The following AGBL1 variants were observed in gnomAD, a reference collection of about 807,000 sequenced individuals.
AGBL1 encodes AGBL carboxypeptidase 1.
In AGBL1, 130 loss-of-function variants were observed where a neutral mutation model predicts 118.9. That is an observed-to-expected ratio of 1.09 (90% CI 0.95 to 1.26). AGBL1 has a LOEUF of 1.26. Among genes scored for constraint, AGBL1 ranks in the 50% most tolerant of loss-of-function variants. The probability of loss-of-function intolerance (pLI) is 0.00; values close to 1 mark genes in which losing one functional copy is unlikely to be tolerated. For missense variants in AGBL1, 1,584 were observed against 1,298.1 expected (o/e 1.22, Z -3.38); for synonymous variants, 555 against 478.9 (o/e 1.16, Z -2.08).
chr15:86,623,493 A>C (rs2084842431), intron 21 of AGBL1, among the ~76,000 whole-genome samples: 1 of 152,158 alleles, frequency 6.6e-6, no homozygotes, highest in African/African-American at 2.4e-5. Flanking sequence ...TTCCAACTCT[A>C]GGTTCTCTCT....
At chr15:86,802,610 C>G (rs1191359617) in intron 22 of AGBL1, among the ~76,000 whole-genome samples, 6 of 152,122 alleles carry the variant, frequency 3.9e-5, no homozygotes, top group Non-Finnish European at 1.5e-5. Flanking sequence ...GATTCAGATT[C>G]TATATCTAAG....
chr15:87,010,289 G>C (rs72757498), intron 24 of AGBL1, among the ~76,000 whole-genome samples: 4 of 152,042 alleles, frequency 2.6e-5, no homozygotes, highest in Non-Finnish European at 4.4e-5. Flanking sequence ...TTCACCTGCC[G>C]CCCTCCATGT....
At chr15:86,884,255 A>C (rs538676916) in intron 22 of AGBL1, among the ~76,000 whole-genome samples, 1 of 152,122 alleles carries the variant, frequency 6.6e-6, no homozygotes, top group Non-Finnish European at 1.5e-5. Context: ...CTGAGTGACT[A>C]ATGGGCAGAA....
chr15:86,509,037 T>C (rs753917860), intron 18 of AGBL1, among the ~76,000 whole-genome samples: 1 of 152,158 alleles, frequency 6.6e-6, no homozygotes, highest in Non-Finnish European at 1.5e-5. Flanking sequence ...GTTCGTCATC[T>C]GATACTGAGA....
At chr15:86,144,997 C>T (rs1011426006) in intron 3 of AGBL1, among the ~76,000 whole-genome samples, 2 of 152,036 alleles carry the variant, frequency 1.3e-5, no homozygotes, top group African/African-American at 2.4e-5. Flanking sequence ...GGTTCCATGC[C>T]CCTCTCCTCT....
At chr15:87,012,091 T>C (rs1268981724) in intron 24 of AGBL1, among the ~76,000 whole-genome samples, 1 of 152,092 alleles carries the variant, frequency 6.6e-6, no homozygotes, top group Non-Finnish European at 1.5e-5. Flanking sequence ...TTTAGAAATA[T>C]AAATGCTGAG....
Position 86,106,575 on chromosome 15 carries a change from G to A in AGBL1, c.51+26552G>A, listed in dbSNP as rs141047484. On this transcript the variant is annotated intron_variant, in intron 1 of 22. Transcript: ENST00000614907. ...GGATGCTACTGACTAAACATCTTGC[G>A]ACACTTAGCGTCCTACTCTGCTGAT... Among the ~76,000 whole-genome samples the A allele has an allele frequency of 2.9e-3, 447 of 152,302 alleles. 15 individuals are homozygous for A. The South Asian group carries it at 0.067, about 23-fold the overall frequency.
Position 86,668,810 on chromosome 15 carries a change from C to T in AGBL1, c.2995-5463C>T, listed in dbSNP as rs114909079. Among the ~76,000 whole-genome samples, 768 of 152,216 alleles carry T rather than the reference C, an allele frequency of 5.0e-3. 4 individuals carry two copies. The highest frequency in any genetic ancestry group is 0.017 in the African/African-American group (716 of 41,528). The stretch of plus-strand genomic sequence containing the variant: ...ACTGTGGTCAATAAATTAGTAAGAC[C>T]GCAATCTGCAAAGGGACAATGTGGG... On this transcript the variant is annotated intron_variant, in intron 21 of 22. Transcript: ENST00000614907.
chr15:86,785,881 G>A (rs2141319170), intron 22 of AGBL1, among the ~76,000 whole-genome samples: 1 of 152,292 alleles, frequency 6.6e-6, no homozygotes, highest in Admixed American at 6.5e-5. Flanking sequence ...TCTAGTTACA[G>A]AAACTCAAAC....
chr15:86,683,139 T>TG (rs1009550425), intron 22 of AGBL1, among the ~76,000 whole-genome samples: 18 of 152,088 alleles, frequency 1.2e-4, no homozygotes, highest in East Asian at 1.2e-3. Flanking sequence ...AACTGACAGA[T>TG]GGGGGGGCAT....
intron 17 of AGBL1, among the ~76,000 whole-genome samples, chr15:86,371,260 T>C (rs968902377): frequency 2.0e-5 from 3 of 152,126 alleles, no homozygotes; most frequent in Admixed American, 6.5e-5. Flanking sequence ...CAAAGAGATT[T>C]GAAAGGAGTT....
chr15:86,795,000 G>A (rs1001003681), intron 22 of AGBL1, among the ~76,000 whole-genome samples: 3 of 151,778 alleles, frequency 2.0e-5, no homozygotes, highest in Non-Finnish European at 2.9e-5. Flanking sequence ...TTGCCAAAGG[G>A]GGAAAATAAG....
intron 18 of AGBL1, among the ~76,000 whole-genome samples, chr15:86,489,197 T>C (rs974150334): frequency 5.9e-5 from 9 of 152,140 alleles, no homozygotes; most frequent in African/African-American, 2.2e-4. Context: ...ATCTTTGCCT[T>C]TGGGACTAGA....
chr15:86,653,393 C>T (rs1020371180), intron 21 of AGBL1, among the ~76,000 whole-genome samples: 2 of 152,144 alleles, frequency 1.3e-5, no homozygotes, highest in African/African-American at 2.4e-5. Context: ...AAAGCCCCTG[C>T]TCTTTGTATT....
intron 6 of AGBL1, among the ~76,000 whole-genome samples, chr15:86,229,616 T>C (rs1442078045): frequency 6.6e-6 from 1 of 152,314 alleles, no homozygotes; most frequent in South Asian, 2.1e-4. Context: ...TTTTCCTCTT[T>C]TTCCCTCATC....
At chr15:86,564,415 T>G (rs1173962470) in intron 21 of AGBL1, among the ~76,000 whole-genome samples, 1 of 152,210 alleles carries the variant, frequency 6.6e-6, no homozygotes, top group Admixed American at 6.5e-5. Flanking sequence ...GATATGAAAT[T>G]CTGGGTTGAA....
At chr15:86,524,559 T>C (rs1433465244) in intron 19 of AGBL1, among the ~76,000 whole-genome samples, 2 of 152,154 alleles carry the variant, frequency 1.3e-5, no homozygotes, top group Non-Finnish European at 2.9e-5. Context: ...GGGTCAGTTA[T>C]GTAGCCATCA....
At chr15:86,548,958 C>T (rs906234461) in intron 20 of AGBL1, among the ~76,000 whole-genome samples, 2 of 152,012 alleles carry the variant, frequency 1.3e-5, no homozygotes, top group African/African-American at 4.8e-5. Context: ...ATGGTGAGAA[C>T]AGAGCCAGGA....
In AGBL1 at chr15:86,264,782, A is replaced by T. The variant is rs188199996; in HGVS notation, c.1611A>T (p.Gly537=). The change falls in exon 11 of 23, where the codon GGA becomes GGT. Residue 537 remains glycine, a synonymous_variant. Transcript: ENST00000614907. ...FKMMAFPDVW[G]HCPPPTTQPM... is the part of the protein sequence containing the mutation. ...TGATGGCATTTCCTGATGTCTGGGG[A>T]CACTGTCCCCCTCCCACCACCCAGC... 1.6e-5 allele frequency: 26 copies of T among 1,613,908 alleles called. No homozygotes were observed. The East Asian group carries it at 5.6e-4, about 35-fold the overall frequency.
Sources: allele counts gnomAD v4.1 joint callset (sites outside exome capture counted in the v4.1 genomes callset), GRCh38; gene constraint gnomAD v4.1.1; transcripts MANE v1.5; gene names NCBI Gene and HGNC (gene_info 2026-07-23, HGNC 2026-07-21).